Variants in XPO5 observed in about 807,000 individuals in gnomAD.
XPO5 encodes the protein exportin-5.
XPO5 carries 46 observed loss-of-function variants against 160.6 expected under a neutral mutation model. That is an observed-to-expected ratio of 0.29 (90% CI 0.23 to 0.37). XPO5 has a LOEUF of 0.37. Among genes scored for constraint, XPO5 ranks in the 10% least tolerant of loss-of-function variants. The pLI is 1.00. For missense variants in XPO5, 1,090 were observed against 1,463.9 expected, an observed-to-expected ratio of 0.74 and a Z score of 4.17; for synonymous variants, 537 against 519.3, an observed-to-expected ratio of 1.03 and a Z score of -0.46.
At chr6:43,562,990 C>CAAG (rs1162311774) in intron 8 of XPO5, among the ~76,000 whole-genome samples, 1 of 152,172 alleles carries the variant, frequency 6.6e-6, no homozygotes, top group African/African-American at 2.4e-5. Flanking sequence ...ACATGTGCCT[C>CAAG]ATACCTTTTC....
chr6:43,542,136 T>C (rs902422030), intron 20 of XPO5, among the ~76,000 whole-genome samples: 9 of 152,278 alleles, frequency 5.9e-5, no homozygotes, highest in African/African-American at 2.2e-4. Flanking sequence ...CAATTCAGGC[T>C]AGTCATTTTT....
chr6:43,549,822 A>G, intron 16 of XPO5, 71 bp downstream of exon 16: 3 of 1,469,944 alleles, frequency 2.0e-6, no homozygotes, highest in Non-Finnish European at 2.8e-6. Flanking sequence ...TAAAAATATA[A>G]ACTGAGTATC....
At chr6:43,567,393 G>T in intron 6 of XPO5, 39 bp from the exon 7 acceptor site, 1 of 1,542,970 alleles carries the variant, frequency 6.5e-7, no homozygotes, top group East Asian at 2.3e-5. Flanking sequence ...TGAAGTCCTC[G>T]GTAACAGGTA....
In XPO5 at chr6:43,560,309, G is replaced by GA; in HGVS notation, c.1096-7dup. 2 of 1,572,344 alleles carry GA rather than the reference G, an allele frequency of 1.3e-6. No individual in the cohort carries two copies. Among genetic ancestry groups the GA allele is most frequent in the Non-Finnish European group, 8.6e-7 (1 of 1,163,548 alleles). ...TGAGTTGAAGAGCGTAGAAACTAAA[G>GA]AGAAAAAAAAAAGAAAACGTCAAAG... On this transcript the variant is annotated splice_polypyrimidine_tract_variant and splice_region_variant and intron_variant, in intron 10 of 31. Coordinates refer to ENST00000265351, the MANE Select transcript of XPO5 (RefSeq NM_020750.3).
At chr6:43,568,764 T>A in intron 5 of XPO5, 27 bp from the exon 6 acceptor site, 1 of 1,558,214 alleles carries the variant, frequency 6.4e-7, no homozygotes, top group East Asian at 2.3e-5. Context: ...AGATCCAGTG[T>A]TTTTAATGAG....
Position 43,573,481 on chromosome 6 carries a change from T to C in XPO5, c.226A>G (p.Lys76Glu). ...TGGTAATGTCCAAGAGCTCCTTACTTGACAACGTGTTCCAGGATCTGAAGG... is the reference window on the plus strand; with the variant it reads ...TGGTAATGTCCAAGAGCTCCTTACTCGACAACGTGTTCCAGGATCTGAAGG... ...FGLQILEHVVKFRWNGMSRLE... is the reference protein window; with the variant it reads ...FGLQILEHVVEFRWNGMSRLE... Residue 76 changes from lysine to glutamate, a missense_variant and splice_region_variant, in exon 2 of 32, where the codon AAG becomes GAG. Coordinates refer to ENST00000265351, the MANE Select transcript of XPO5 (RefSeq NM_020750.3). 6.2e-7 allele frequency: 1 copy of C among 1,613,182 alleles called. No individual in the cohort carries two copies. Among genetic ancestry groups the C allele is most frequent in the Non-Finnish European group, 8.5e-7 (1 of 1,179,358 alleles).
intron 15 of XPO5, among the ~76,000 whole-genome samples, chr6:43,550,363 C>T (rs1268838892): frequency 6.6e-6 from 1 of 152,180 alleles, no homozygotes; most frequent in Non-Finnish European, 1.5e-5. Context: ...TCAAGAAACT[C>T]ACTGGGCATT....
intron 3 of XPO5, among the ~76,000 whole-genome samples, chr6:43,571,949 T>A (rs929770490): frequency 1.3e-5 from 2 of 152,218 alleles, no homozygotes; most frequent in Non-Finnish European, 2.9e-5. Flanking sequence ...GATCTAAGAA[T>A]CTTATTGATT....
chr6:43,525,040 T>C, intron 29 of XPO5, 67 bp downstream of exon 29: 1 of 1,584,470 alleles, frequency 6.3e-7, no homozygotes, highest in Non-Finnish European at 8.6e-7. Context: ...TTCTTCTGAA[T>C]GATTTAGTCA....
At chr6:43,556,083 C>G in intron 12 of XPO5, 119 bp from the exon 13 acceptor site, 1 of 1,364,890 alleles carries the variant, frequency 7.3e-7, no homozygotes. Context: ...GTTTTGCAGA[C>G]TTGTGCTTTG....
At chr6:43,552,481 TA>T (rs1795280211) in intron 14 of XPO5, among the ~76,000 whole-genome samples, 1 of 152,154 alleles carries the variant, frequency 6.6e-6, no homozygotes, top group Non-Finnish European at 1.5e-5. Context: ...GCCTCCCAAG[TA>T]GCTGGGATTA....
At chr6:43,525,801 G>A in intron 28 of XPO5, 38 bp downstream of exon 28, 1 of 1,603,504 alleles carries the variant, frequency 6.2e-7, no homozygotes, top group Non-Finnish European at 8.5e-7. Flanking sequence ...TCCCCACCTG[G>A]GCAAGGAGTA....
intron 12 of XPO5, 45 bp downstream of exon 12, chr6:43,558,456 C>T (rs1762231729): frequency 2.0e-6 from 3 of 1,497,492 alleles, no homozygotes; most frequent in African/African-American, 1.4e-5. Context: ...ATACTAGATG[C>T]CATTCTGAGA....
At chr6:43,567,055 C>G in intron 7 of XPO5, 114 bp downstream of exon 7, 1 of 1,147,828 alleles carries the variant, frequency 8.7e-7, no homozygotes, top group Non-Finnish European at 1.2e-6. Context: ...AGTAAGTTGG[C>G]CCCAAGGAAA....
At chr6:43,534,862 G>T (rs1271942203) in intron 20 of XPO5, among the ~76,000 whole-genome samples, 1 of 152,018 alleles carries the variant, frequency 6.6e-6, no homozygotes, top group Non-Finnish European at 1.5e-5. Context: ...GATGGGTGTG[G>T]TGGTGCATGC....
At chr6:43,571,199 A>G (rs116777005) in intron 3 of XPO5, among the ~76,000 whole-genome samples, 34 of 152,226 alleles carry the variant, frequency 2.2e-4, no homozygotes, top group African/African-American at 8.0e-4. Context: ...TGAGGGTTGC[A>G]TCACCTAAAA....
At chr6:43,533,666 G>A in intron 21 of XPO5, 1 of 299,890 alleles carries the variant, frequency 3.3e-6, no homozygotes, top group Non-Finnish European at 6.6e-6. Flanking sequence ...GCAAGACTCT[G>A]TCTCAACAAA....
At position 43,539,963 on chromosome 6, in the gene XPO5, T is replaced by C. The variant is rs1389514157; in HGVS notation, c.2343-5956A>G. On this transcript the variant is annotated intron_variant, in intron 20 of 31. Transcript: ENST00000265351. ...TTTTTAAATATTTTATTTTTAAAAATAGAAGACGGGGCTGGGCACAGTGGC... is the reference window on the plus strand; with the variant it reads ...TTTTTAAATATTTTATTTTTAAAAACAGAAGACGGGGCTGGGCACAGTGGC... 2.0e-5 allele frequency among the ~76,000 whole-genome samples: 3 copies of C among 152,258 alleles called. No homozygotes were observed. The East Asian group carries it at 5.8e-4, about 29-fold the overall frequency.
intron 13 of XPO5, 174 bp downstream of exon 13, chr6:43,555,662 T>C: frequency 1.6e-6 from 1 of 644,548 alleles, no homozygotes; most frequent in East Asian, 3.0e-5. Flanking sequence ...AAATGTGTCA[T>C]CTGCTTTCTT....
Sources: allele counts gnomAD v4.1 joint callset (sites outside exome capture counted in the v4.1 genomes callset), GRCh38; gene constraint gnomAD v4.1.1; transcripts MANE v1.5; gene names NCBI Gene and HGNC (gene_info 2026-07-23, HGNC 2026-07-21).